Variants in DSCAM observed in about 807,000 individuals in gnomAD.
The protein encoded by DSCAM is DS cell adhesion molecule.
In DSCAM, 47 loss-of-function variants were observed where a neutral mutation model predicts 217.7. The ratio of observed to expected loss-of-function variants is 0.22; its 90% CI spans 0.17 to 0.28. DSCAM has a LOEUF of 0.28. Ranked by LOEUF, DSCAM falls within the 10% of genes least tolerant of loss-of-function variation. The pLI is 1.00. For synonymous variants in DSCAM, 1,056 were observed against 1,015.3 expected (o/e 1.04, Z -0.76); for missense variants, 2,080 against 2,618.3 (o/e 0.79, Z 4.49).
chr21:40,845,012 T>C (rs2092133162), intron 1 of DSCAM, among the ~76,000 whole-genome samples: 1 of 152,170 alleles, frequency 6.6e-6, no homozygotes. Flanking sequence ...TAGGCATCTC[T>C]ACATTTCTTA....
intron 11 of DSCAM, among the ~76,000 whole-genome samples, chr21:40,205,834 A>G (rs1601439889): frequency 6.6e-6 from 1 of 152,258 alleles, no homozygotes; most frequent in Admixed American, 6.5e-5. Context: ...ACATTCAAGG[A>G]TAGTAAATAA....
rs115356738 is a variant in DSCAM at position 40,452,480 on chromosome 21, G to A, written c.509-83235C>T. 9.6e-3 allele frequency among the ~76,000 whole-genome samples: 1,457 copies of A among 151,878 alleles called. 30 individuals are homozygous for A. Among genetic ancestry groups the A allele is most frequent in the African/African-American group, 0.033 (1,367 of 41,444 alleles). On this transcript the variant is annotated intron_variant, in intron 3 of 32. Coordinates refer to ENST00000400454, the MANE Select transcript of DSCAM (RefSeq NM_001389.5). ...ATCGTATGCAATTCTTGTTTTGCTC[G>A]TAAACATTTTTCAATTGAAAGTTTA...
intron 3 of DSCAM, among the ~76,000 whole-genome samples, chr21:40,553,901 A>AACAGGTT (rs1190791827): frequency 1.3e-5 from 2 of 152,196 alleles, no homozygotes; most frequent in Non-Finnish European, 2.9e-5. Flanking sequence ...ACTGAGGCCC[A>AACAGGTT]ACAGGTTACG....
At chr21:40,503,321 G>C (rs2076184653) in intron 3 of DSCAM, among the ~76,000 whole-genome samples, 1 of 152,154 alleles carries the variant, frequency 6.6e-6, no homozygotes. Flanking sequence ...TCGACCAAGA[G>C]GATATTAGTA....
intron 20 of DSCAM, among the ~76,000 whole-genome samples, chr21:40,098,656 CAG>C (rs1185210714): frequency 1.3e-5 from 2 of 152,248 alleles, no homozygotes; most frequent in African/African-American, 4.8e-5. Flanking sequence ...TGCAATTAAA[CAG>C]GGGATTTAAA....
At chr21:40,769,091 C>T (rs1449019175) in intron 1 of DSCAM, among the ~76,000 whole-genome samples, 1 of 149,244 alleles carries the variant, frequency 6.7e-6, no homozygotes, top group African/African-American at 2.5e-5. Flanking sequence ...ACCTGAAAGG[C>T]TCATGGGGGC....
chr21:40,036,836 T>C (rs1160075166), intron 32 of DSCAM, among the ~76,000 whole-genome samples: 1 of 148,974 alleles, frequency 6.7e-6, no homozygotes, highest in East Asian at 1.9e-4. Context: ...GTGGGCTTCA[T>C]CCCTGGGATG....
chr21:40,683,057 A>G (rs1468665871), intron 3 of DSCAM, among the ~76,000 whole-genome samples: 2 of 152,210 alleles, frequency 1.3e-5, no homozygotes, highest in Non-Finnish European at 2.9e-5. Flanking sequence ...GCACGCCAGG[A>G]TGAGGCCCCC....
intron 6 of DSCAM, among the ~76,000 whole-genome samples, chr21:40,340,531 T>A (rs2074480103): frequency 6.6e-6 from 1 of 152,216 alleles, no homozygotes; most frequent in Admixed American, 6.5e-5. Context: ...ACACATTTTT[T>A]CTAGGCATAA....
intron 1 of DSCAM, among the ~76,000 whole-genome samples, chr21:40,773,024 T>C (rs1037995413): frequency 2.0e-5 from 3 of 152,210 alleles, no homozygotes; most frequent in East Asian, 1.9e-4. Context: ...AGGTGGATCA[T>C]ATCCCTGCAG....
intron 3 of DSCAM, among the ~76,000 whole-genome samples, chr21:40,556,713 AGAGT>A (rs1226740320): frequency 3.3e-5 from 5 of 152,148 alleles, no homozygotes; most frequent in Non-Finnish European, 7.4e-5. Context: ...GGGAGCTCAC[AGAGT>A]GAGAACTCAC....
At chr21:40,540,869 A>G (rs2076537793) in intron 3 of DSCAM, among the ~76,000 whole-genome samples, 1 of 152,034 alleles carries the variant, frequency 6.6e-6, no homozygotes, top group African/African-American at 2.4e-5. Flanking sequence ...AATCCCATAT[A>G]TATTACTTTT....
At chr21:40,846,565 G>GC (rs41339251) in intron 1 of DSCAM, 54 bp downstream of exon 1, 15,466 of 227,458 alleles carry the variant, frequency 0.068, 724 homozygotes, top group Admixed American at 0.086. Context: ...CCACCCCCCC[G>GC]CCCCCCCGGT....
In DSCAM at chr21:40,179,113, C is replaced by G; in HGVS notation, c.2780-19G>C. On this transcript the variant is annotated intron_variant, in intron 14 of 32. Coordinates refer to ENST00000400454, the MANE Select transcript of DSCAM (RefSeq NM_001389.5). ...CAGGAGTCTTTTGGGTTTTGTTTTT[C>G]AAAAAAGAAGAGATAGAGACGTGAG... 2 of 1,313,008 alleles carry G rather than the reference C, an allele frequency of 1.5e-6. No homozygotes were observed. The highest frequency in any genetic ancestry group is 2.0e-6 in the Non-Finnish European group (2 of 1,009,526). 81.3% of individuals were successfully genotyped at this position (1,313,008 alleles called of 1,614,324 possible). A position where few individuals can be genotyped will look rare whatever the true frequency, so the allele number is the denominator to read the frequency against.
chr21:40,733,644 T>C (rs2091034992), intron 1 of DSCAM, among the ~76,000 whole-genome samples: 1 of 152,182 alleles, frequency 6.6e-6, no homozygotes, highest in Non-Finnish European at 1.5e-5. Context: ...CTCTGGCCCA[T>C]GAGTGACTTA....
At chr21:40,274,170 C>T (rs1295459165) in intron 11 of DSCAM, among the ~76,000 whole-genome samples, 1 of 152,172 alleles carries the variant, frequency 6.6e-6, no homozygotes, top group Admixed American at 6.5e-5. Flanking sequence ...TCTCCTTAGT[C>T]CTCCCTGATG....
At chr21:40,334,959 T>C (rs2074415125) in intron 8 of DSCAM, among the ~76,000 whole-genome samples, 1 of 152,102 alleles carries the variant, frequency 6.6e-6, no homozygotes, top group Non-Finnish European at 1.5e-5. Context: ...AAGGTTCTGC[T>C]CCTTCTGACT....
At chr21:40,813,297 CAT>C (rs1357204317) in intron 1 of DSCAM, among the ~76,000 whole-genome samples, 1 of 152,162 alleles carries the variant, frequency 6.6e-6, no homozygotes, top group Non-Finnish European at 1.5e-5. Context: ...TGAGACCACA[CAT>C]ATGTTGATTA....
intron 3 of DSCAM, among the ~76,000 whole-genome samples, chr21:40,389,225 G>A (rs576292387): frequency 3.3e-5 from 5 of 152,088 alleles, no homozygotes; most frequent in South Asian, 4.2e-4. Flanking sequence ...TTTGAGCAAG[G>A]AAATCAAAAG....
Sources: gnomAD v4.1 joint callset for allele counts (sites outside exome capture counted in the v4.1 genomes callset) on GRCh38, gnomAD v4.1.1 for gene constraint, MANE v1.5 for transcripts, NCBI Gene and HGNC (gene_info 2026-07-23, HGNC 2026-07-21) for gene names.